The following SEMA3A variants were observed in gnomAD, a reference collection of about 807,000 sequenced individuals.
SEMA3A encodes semaphorin-3A.
A neutral mutation model predicts 97.9 loss-of-function variants in SEMA3A; 29 were observed. That is an observed-to-expected ratio of 0.30 (90% CI 0.22 to 0.40). The LOEUF (loss-of-function observed/expected upper bound fraction) is 0.40, where lower values mean the gene tolerates loss of function less well. SEMA3A is among the 10% of genes least tolerant of loss of function. The probability of loss-of-function intolerance (pLI) is 1.00; values close to 1 mark genes in which losing one functional copy is unlikely to be tolerated. For synonymous variants in SEMA3A, 321 were observed against 323.7 expected (o/e 0.99, Z 0.09); for missense variants, 763 against 951.3 (o/e 0.80, Z 2.60).
intron 5 of SEMA3A, among the ~76,000 whole-genome samples, chr7:84,050,206 T>A (rs541269029): frequency 1.1e-4 from 16 of 152,250 alleles, no homozygotes; most frequent in East Asian, 5.8e-4. Context: ...GCAGCATGAT[T>A]TATTGTCCTT....
intron 2 of SEMA3A, among the ~76,000 whole-genome samples, chr7:84,351,579 C>T (rs1802439419): frequency 6.6e-6 from 1 of 151,526 alleles, no homozygotes; most frequent in South Asian, 2.1e-4. Flanking sequence ...AGATATTTTT[C>T]AAAAGAAGAT....
In SEMA3A at chr7:84,099,544, G is replaced by A. The variant is rs572127060; in HGVS notation, c.453+10926C>T. ...TTAATGTTTTATGCACAACATAAATGCAGCTTAACGCAGCTGATTTGTAAG... is the reference window on the plus strand; with the variant it reads ...TTAATGTTTTATGCACAACATAAATACAGCTTAACGCAGCTGATTTGTAAG... On this transcript the variant is annotated intron_variant, in intron 4 of 16. Transcript: ENST00000265362. 2.0e-5 allele frequency among the ~76,000 whole-genome samples: 3 copies of A among 152,216 alleles called. No individual in the cohort carries two copies. In the East Asian group the frequency reaches 5.8e-4, roughly 29 times the overall value.
intron 1 of SEMA3A, among the ~76,000 whole-genome samples, chr7:84,418,662 T>G (rs1036826285): frequency 6.6e-6 from 1 of 152,048 alleles, no homozygotes; most frequent in Non-Finnish European, 1.5e-5. Flanking sequence ...GACATCATAC[T>G]CTGGGTTCTT....
intron 2 of SEMA3A, among the ~76,000 whole-genome samples, chr7:84,337,679 G>A (rs1802071299): frequency 6.6e-6 from 1 of 152,072 alleles, no homozygotes; most frequent in African/African-American, 2.4e-5. Context: ...TTGCATTCTT[G>A]ATTATTGGAA....
At chr7:84,094,811 A>G (rs184653829) in intron 4 of SEMA3A, among the ~76,000 whole-genome samples, 2 of 152,078 alleles carry the variant, frequency 1.3e-5, no homozygotes, top group East Asian at 3.8e-4. Context: ...TGTAGTTGAG[A>G]GATGGACAAT....
At chr7:84,473,391 A>ATTATT (rs1806203384) in intron 1 of SEMA3A, among the ~76,000 whole-genome samples, 1 of 148,054 alleles carries the variant, frequency 6.8e-6, no homozygotes, top group East Asian at 2.0e-4. Flanking sequence ...TTATTATTAT[A>ATTATT]ATATTATTAT....
chr7:84,052,794 G>A (rs28843119), intron 5 of SEMA3A, among the ~76,000 whole-genome samples: 79,803 of 145,670 alleles, frequency 0.55, 23,979 homozygotes, highest in Non-Finnish European at 0.67. Context: ...AGTTCTTTTA[G>A]TTGTGATGTT....
Position 84,145,912 on chromosome 7 carries a change from A to G in SEMA3A, c.113-10961T>C, listed in dbSNP as rs143030066. ...TACTGTCTCACTAACAGCAGTTTGC[A>G]GTCCCTAATCTTGTTTTGCTATCTC... is the stretch of plus-strand genomic sequence containing the variant. On this transcript the variant is annotated intron_variant, in intron 1 of 16. Transcript: ENST00000265362. Among the ~76,000 whole-genome samples the G allele has an allele frequency of 5.5e-4, 84 of 152,278 alleles. No individual in the cohort carries two copies. In the East Asian group the frequency reaches 0.015, roughly 27 times the overall value.
chr7:84,091,212 GAA>G lies in SEMA3A; in HGVS notation c.453+19256_453+19257del, dbSNP rs58521122. Among the ~76,000 whole-genome samples the G allele has an allele frequency of 1.2e-3, 74 of 61,886 alleles. 1 individual carries two copies. The highest frequency in any genetic ancestry group is 1.8e-3 in the Non-Finnish European group (51 of 28,618). The allele number at this position is 61,886 out of a possible 152,430, so 40.6% of individuals were successfully genotyped here. A position where few individuals can be genotyped will look rare whatever the true frequency, so the allele number is the denominator to read the frequency against. On this transcript the variant is annotated intron_variant, in intron 4 of 16. Coordinates refer to ENST00000265362, the MANE Select transcript of SEMA3A (RefSeq NM_006080.3). ...AGAAAGAAAGAAAGAAAGAAAGAAA[GAA>G]AAGAAAAGAAAGAAAAGAAAGAAGG... is the stretch of plus-strand genomic sequence containing the variant.
chr7:84,429,516 T>TTTTATATATATATATATATA lies in SEMA3A; in HGVS notation c.-245-57617_-245-57616insTATATATATATATATATAAA, dbSNP rs1554385260. On this transcript the variant is annotated intron_variant, in intron 1 of 3. Coordinates refer to the SEMA3A transcript ENST00000424555. ...TTGCATTAGTAAAATATAGAGTTTG[T>TTTTATATATATATATATATA]TATATATATATATATATATATATAT... is the stretch of plus-strand genomic sequence containing the variant. 5.2e-3 allele frequency among the ~76,000 whole-genome samples: 373 copies of TTTTATATATATATATATATA among 72,342 alleles called. 28 individuals are homozygous for TTTTATATATATATATATATA. The highest frequency in any genetic ancestry group is 0.016 in the African/African-American group (231 of 14,106). The allele number at this position is 72,342 out of a possible 152,430, so 47.5% of individuals were successfully genotyped here. A position where few individuals can be genotyped will look rare whatever the true frequency, so the allele number is the denominator to read the frequency against.
chr7:84,462,916 T>C (rs978647503), intron 1 of SEMA3A, among the ~76,000 whole-genome samples: 7 of 152,254 alleles, frequency 4.6e-5, no homozygotes, highest in Admixed American at 4.6e-4. Context: ...GGGAGAAACA[T>C]GTCTGAGTCC....
At chr7:84,331,798 G>A (rs181944399) in intron 2 of SEMA3A, among the ~76,000 whole-genome samples, 72 of 152,146 alleles carry the variant, frequency 4.7e-4, no homozygotes, top group African/African-American at 1.5e-3. Flanking sequence ...GCGTGCATGC[G>A]TGCGTGCATG....
intron 3 of SEMA3A, among the ~76,000 whole-genome samples, chr7:84,249,970 T>C (rs1027469348): frequency 6.6e-6 from 1 of 151,582 alleles, no homozygotes; most frequent in Non-Finnish European, 1.5e-5. Flanking sequence ...TTCTTTCTAA[T>C]TGACTCTGCT....
chr7:84,358,596 C>T (rs992237909), intron 2 of SEMA3A, among the ~76,000 whole-genome samples: 4 of 152,064 alleles, frequency 2.6e-5, no homozygotes, highest in African/African-American at 9.7e-5. Flanking sequence ...GTTCTTTTGG[C>T]TTAGGATTGA....
chr7:84,081,389 A>G lies in SEMA3A; in HGVS notation c.454-20831T>C, dbSNP rs569392551. 1.1e-3 allele frequency among the ~76,000 whole-genome samples: 167 copies of G among 152,108 alleles called. 1 individual carries two copies. The South Asian group carries it at 0.014, about 12-fold the overall frequency. ...GGGCGGATCACGAGGTCAGGAGATC[A>G]AGACCACCCTGGCTAACACGGTGAA... On this transcript the variant is annotated intron_variant, in intron 4 of 16. Coordinates refer to ENST00000265362, the MANE Select transcript of SEMA3A (RefSeq NM_006080.3).
intron 1 of SEMA3A, among the ~76,000 whole-genome samples, chr7:84,453,239 CTTTTT>C (rs774894152): frequency 7.8e-6 from 1 of 128,950 alleles, no homozygotes; most frequent in African/African-American, 3.1e-5. Context: ...GACTTTGTTT[CTTTTT>C]TTTTTTTTTT....
At chr7:84,271,124 T>C (rs1327047960) in intron 3 of SEMA3A, among the ~76,000 whole-genome samples, 1 of 152,036 alleles carries the variant, frequency 6.6e-6, no homozygotes, top group East Asian at 1.9e-4. Context: ...TCACAATCTG[T>C]TTTCTTCTTT....
intron 12 of SEMA3A, among the ~76,000 whole-genome samples, chr7:83,991,822 A>G (rs1789954653): frequency 7.2e-6 from 1 of 139,528 alleles, no homozygotes; most frequent in Non-Finnish European, 1.5e-5. Flanking sequence ...TATCAGAATG[A>G]TGCTGGCCTC....
intron 2 of SEMA3A, among the ~76,000 whole-genome samples, chr7:84,315,229 A>G (rs1467142080): frequency 6.6e-6 from 1 of 152,120 alleles, no homozygotes; most frequent in Non-Finnish European, 1.5e-5. Context: ...ATAGCAGACG[A>G]TTAGGCTGGA....
Sources: gnomAD v4.1 joint callset for allele counts (sites outside exome capture counted in the v4.1 genomes callset) on GRCh38, gnomAD v4.1.1 for gene constraint, MANE v1.5 for transcripts, NCBI Gene and HGNC (gene_info 2026-07-23, HGNC 2026-07-21) for gene names.